Variants in SPIN1 observed in about 807,000 individuals in gnomAD.
SPIN1 encodes spindlin-1.
Under a neutral mutation model 26.0 loss-of-function variants are expected in SPIN1, and 3 were observed. The ratio of observed to expected loss-of-function variants is 0.12; its 90% CI spans 0.05 to 0.30. The LOEUF (loss-of-function observed/expected upper bound fraction) is 0.30, where lower values mean the gene tolerates loss of function less well. SPIN1 is among the 10% of genes least tolerant of loss of function. SPIN1 has a pLI of 1.00. For missense variants in SPIN1, 126 were observed against 333.4 expected, an observed-to-expected ratio of 0.38 and a Z score of 4.84; for synonymous variants, 101 against 116.5, an observed-to-expected ratio of 0.87 and a Z score of 0.86.
chr9:88,390,268 A>G (rs1208049065), intron 1 of SPIN1, among the ~76,000 whole-genome samples: 1 of 152,162 alleles, frequency 6.6e-6, no homozygotes, highest in Non-Finnish European at 1.5e-5. Context: ...TGGTGTCCTT[A>G]AAGTGTATCT....
intron 1 of SPIN1, among the ~76,000 whole-genome samples, chr9:88,408,981 T>TGTGTGTG (rs1827375578): frequency 3.8e-4 from 52 of 136,700 alleles, no homozygotes; most frequent in African/African-American, 1.4e-3. Flanking sequence ...TTGTGTGTGT[T>TGTGTGTG]TGTGTGTGTG....
intron 4 of SPIN1, among the ~76,000 whole-genome samples, chr9:88,465,142 G>A (rs895487009): frequency 6.6e-6 from 1 of 152,140 alleles, no homozygotes; most frequent in Non-Finnish European, 1.5e-5. Context: ...TTGTTTATCT[G>A]TTCACCCATT....
intron 4 of SPIN1, among the ~76,000 whole-genome samples, chr9:88,464,359 G>A (rs1021537778): frequency 1.4e-4 from 21 of 152,094 alleles, no homozygotes; most frequent in African/African-American, 4.8e-4. Flanking sequence ...CTTCACTTAC[G>A]TTTTACGTCG....
At chr9:88,420,332 G>A (rs968711621) in intron 1 of SPIN1, among the ~76,000 whole-genome samples, 5 of 152,312 alleles carry the variant, frequency 3.3e-5, no homozygotes, top group African/African-American at 9.6e-5. Context: ...CCGAGATTGC[G>A]CCATTGCACT....
intron 1 of SPIN1, among the ~76,000 whole-genome samples, chr9:88,408,163 C>T (rs1827349260): frequency 6.6e-6 from 1 of 151,364 alleles, no homozygotes; most frequent in African/African-American, 2.4e-5. Flanking sequence ...TTTCTTTATT[C>T]ATCCTGCTTG....
intron 1 of SPIN1, among the ~76,000 whole-genome samples, chr9:88,411,937 C>T (rs1009092765): frequency 4.6e-5 from 7 of 151,412 alleles, no homozygotes; most frequent in Admixed American, 1.3e-4. Context: ...TATGGGAGGC[C>T]GAGACGGGCA....
At chr9:88,400,429 G>T (rs1827162086) in intron 1 of SPIN1, among the ~76,000 whole-genome samples, 1 of 152,172 alleles carries the variant, frequency 6.6e-6, no homozygotes, top group Non-Finnish European at 1.5e-5. Context: ...AGTTCAAGGA[G>T]ATAGAAAGGA....
At chr9:88,470,593 C>T (rs1828761412) in intron 5 of SPIN1, among the ~76,000 whole-genome samples, 1 of 125,854 alleles carries the variant, frequency 7.9e-6, no homozygotes, top group South Asian at 2.3e-4. Flanking sequence ...TGCTTATTGG[C>T]CCCCCCCCTT....
chr9:88,472,857 G>T (rs1241399484), intron 5 of SPIN1, among the ~76,000 whole-genome samples: 3 of 152,160 alleles, frequency 2.0e-5, no homozygotes, highest in Non-Finnish European at 4.4e-5. Flanking sequence ...CATATGAATT[G>T]AATTGTTTTC....
intron 1 of SPIN1, among the ~76,000 whole-genome samples, chr9:88,414,030 C>CAAAAAA (rs10635542): frequency 1.9e-4 from 27 of 141,838 alleles, no homozygotes; most frequent in African/African-American, 6.8e-4. Context: ...TTTATTATAG[C>CAAAAAA]AAAAAAAAAA....
rs1828927471 is a variant in SPIN1, at chr9:88,478,620, T to G, written c.*3343T>G. On this transcript the variant is annotated 3_prime_UTR_variant, in exon 6 of 6. Transcript: ENST00000375859. ...ATACACAATATAAATCTGTTAATTCTGTAAGTAATTTTTATAATTATGATG... is the reference window on the plus strand; with the variant it reads ...ATACACAATATAAATCTGTTAATTCGGTAAGTAATTTTTATAATTATGATG... 6.6e-6 allele frequency: 1 copy of G among 152,242 alleles called. No individual in the cohort carries two copies. The highest frequency in any genetic ancestry group is 6.5e-5 in the Admixed American group (1 of 15,286). 9.4% of individuals were successfully genotyped at this position (152,242 alleles called of 1,614,324 possible). A position where few individuals can be genotyped will look rare whatever the true frequency, so the allele number is the denominator to read the frequency against.
At chr9:88,413,928 A>G (rs1827508312) in intron 1 of SPIN1, among the ~76,000 whole-genome samples, 1 of 152,050 alleles carries the variant, frequency 6.6e-6, no homozygotes, top group African/African-American at 2.4e-5. Context: ...TTTATTTCTG[A>G]CCAAGTACAA....
At chr9:88,403,296 G>C (rs1390778833) in intron 1 of SPIN1, among the ~76,000 whole-genome samples, 1 of 152,028 alleles carries the variant, frequency 6.6e-6, no homozygotes, top group Non-Finnish European at 1.5e-5. Context: ...TTGTTCTGTT[G>C]GTTATTGAAA....
At chr9:88,465,703 G>GT (rs1016224346) in intron 4 of SPIN1, among the ~76,000 whole-genome samples, 7 of 152,270 alleles carry the variant, frequency 4.6e-5, no homozygotes, top group Admixed American at 1.3e-4. Context: ...GAGTTTTAAT[G>GT]TAACAGTATG....
chr9:88,393,952 AT>A (rs1826995174), intron 1 of SPIN1, among the ~76,000 whole-genome samples: 1 of 152,016 alleles, frequency 6.6e-6, no homozygotes, highest in African/African-American at 2.4e-5. Context: ...GGTTCAAGCT[AT>A]TCTCCTGGCT....
At chr9:88,400,527 C>T (rs963219745) in intron 1 of SPIN1, among the ~76,000 whole-genome samples, 4 of 152,168 alleles carry the variant, frequency 2.6e-5, no homozygotes, top group East Asian at 3.9e-4. Context: ...AGGAACTCCA[C>T]TGACCATTCA....
intron 1 of SPIN1, among the ~76,000 whole-genome samples, chr9:88,419,718 A>G (rs1827636514): frequency 6.6e-6 from 1 of 152,178 alleles, no homozygotes; most frequent in Admixed American, 6.5e-5. Context: ...CACCTACGTT[A>G]AAAAATACTT....
chr9:88,398,928 C>T (rs1018963539), intron 1 of SPIN1, among the ~76,000 whole-genome samples: 3 of 151,350 alleles, frequency 2.0e-5, no homozygotes, highest in Non-Finnish European at 2.9e-5. Flanking sequence ...AAATGAAACC[C>T]CTAGGATGGA....
At chr9:88,414,962 G>T (rs1827528833) in intron 1 of SPIN1, among the ~76,000 whole-genome samples, 1 of 152,094 alleles carries the variant, frequency 6.6e-6, no homozygotes, top group African/African-American at 2.4e-5. Flanking sequence ...GGAGTGCAGT[G>T]GCATGATCTC....
Sources: allele counts gnomAD v4.1 joint callset (sites outside exome capture counted in the v4.1 genomes callset), GRCh38; gene constraint gnomAD v4.1.1; transcripts MANE v1.5; gene names NCBI Gene and HGNC (gene_info 2026-07-23, HGNC 2026-07-21).